PID1: variants seen among roughly 807,000 people sequenced by gnomAD.
The protein encoded by PID1 is phosphotyrosine interaction domain containing 1.
Under a neutral mutation model 19.1 loss-of-function variants are expected in PID1, and 10 were observed. The ratio of observed to expected loss-of-function variants is 0.52; its 90% CI spans 0.32 to 0.89. The LOEUF (loss-of-function observed/expected upper bound fraction) is 0.89, where lower values mean the gene tolerates loss of function less well. PID1 is among the 40% of genes least tolerant of loss of function. The pLI is 0.03. For missense variants in PID1, 248 were observed against 285.3 expected, an observed-to-expected ratio of 0.87 and a Z score of 0.94; for synonymous variants, 130 against 116.0, an observed-to-expected ratio of 1.12 and a Z score of -0.78.
At chr2:229,071,748 C>T (rs1284366092) in intron 2 of PID1, among the ~76,000 whole-genome samples, 2 of 152,162 alleles carry the variant, frequency 1.3e-5, no homozygotes, top group Admixed American at 6.5e-5. Context: ...TAAGCTTCAG[C>T]ATTTCCTAGT....
intron 2 of PID1, among the ~76,000 whole-genome samples, chr2:229,028,327 T>C (rs1016270293): frequency 6.6e-6 from 1 of 152,244 alleles, no homozygotes; most frequent in African/African-American, 2.4e-5. Context: ...TTAATCACTT[T>C]ATGCATCAAA....
chr2:229,203,400 A>G (rs1691540021), intron 1 of PID1, among the ~76,000 whole-genome samples: 1 of 152,100 alleles, frequency 6.6e-6, no homozygotes, highest in Non-Finnish European at 1.5e-5. Context: ...TAAGCGAAAC[A>G]TACAGCAGGT....
intron 1 of PID1, among the ~76,000 whole-genome samples, chr2:229,212,992 A>C (rs1691771090): frequency 6.6e-6 from 1 of 152,128 alleles, no homozygotes; most frequent in African/African-American, 2.4e-5. Flanking sequence ...AACAAAAATT[A>C]ATGATGCTAG....
chr2:229,232,764 A>G (rs1226983), intron 1 of PID1, among the ~76,000 whole-genome samples: 144,591 of 146,078 alleles, frequency 0.99, 71,572 homozygotes, highest in East Asian at 1. Flanking sequence ...ACCAAAAATG[A>G]ATATATATAC....
intron 2 of PID1, among the ~76,000 whole-genome samples, chr2:229,071,024 C>A (rs112837358): frequency 8.0e-4 from 122 of 152,274 alleles, no homozygotes; most frequent in African/African-American, 2.8e-3. Flanking sequence ...TAGATTATAT[C>A]CCATAAAGTA....
At chr2:229,147,754 G>A in intron 2 of PID1, among the ~76,000 whole-genome samples, 1 of 152,042 alleles carries the variant, frequency 6.6e-6, no homozygotes, top group East Asian at 1.9e-4. Context: ...GATCCCCCAG[G>A]AGTTTTTAAA....
chr2:229,050,813 G>A (rs895813124), intron 2 of PID1, among the ~76,000 whole-genome samples: 1 of 149,166 alleles, frequency 6.7e-6, no homozygotes, highest in Non-Finnish European at 1.5e-5. Context: ...TGGCATAAAG[G>A]TCATATGCCA....
At chr2:229,036,886 A>T (rs1185795854) in intron 2 of PID1, among the ~76,000 whole-genome samples, 1 of 152,218 alleles carries the variant, frequency 6.6e-6, no homozygotes, top group Non-Finnish European at 1.5e-5. Flanking sequence ...CTGCTTAGCC[A>T]GGTTAACCTG....
chr2:229,184,943 T>C (rs1476993730), intron 1 of PID1, among the ~76,000 whole-genome samples: 5 of 123,342 alleles, frequency 4.1e-5, no homozygotes, highest in African/African-American at 1.5e-4. Flanking sequence ...CATATATATA[T>C]CCTATATATA....
At position 229,167,781 on chromosome 2, in the gene PID1, G is replaced by A. The variant is rs918090221; in HGVS notation, c.31-11817C>T. The stretch of plus-strand genomic sequence containing the variant: ...ATACAAAATTTAATCATTTGGGGAC[G>A]CTTGAAAATTATACTATTTTGTCAC... On this transcript the variant is annotated intron_variant, in intron 1 of 2. Coordinates refer to ENST00000392055, the MANE Select transcript of PID1 (RefSeq NM_001100818.2). Among the ~76,000 whole-genome samples the A allele has an allele frequency of 2.4e-4, 37 of 152,104 alleles. No individual in the cohort carries two copies. In the East Asian group the frequency reaches 6.8e-3, roughly 28 times the overall value.
chr2:229,227,350 C>T (rs62191694), intron 1 of PID1, among the ~76,000 whole-genome samples: 41,909 of 151,922 alleles, frequency 0.28, 6,567 homozygotes, highest in East Asian at 0.65. Flanking sequence ...TTGAACAGTG[C>T]GGATTATTGA....
chr2:229,225,281 T>C (rs907444004), intron 1 of PID1, among the ~76,000 whole-genome samples: 1 of 152,152 alleles, frequency 6.6e-6, no homozygotes, highest in African/African-American at 2.4e-5. Context: ...TACGGAAGTA[T>C]TTAGCAGCCT....
chr2:229,170,401 C>T (rs1241367146), intron 1 of PID1, among the ~76,000 whole-genome samples: 1 of 152,088 alleles, frequency 6.6e-6, no homozygotes, highest in African/African-American at 2.4e-5. Flanking sequence ...TGCAACATTT[C>T]CCCCCACAAT....
chr2:229,034,719 A>G (rs1693625361), intron 2 of PID1, among the ~76,000 whole-genome samples: 1 of 152,142 alleles, frequency 6.6e-6, no homozygotes, highest in Admixed American at 6.5e-5. Flanking sequence ...AAAAGGGCCA[A>G]GGAAAGTTGT....
intron 1 of PID1, among the ~76,000 whole-genome samples, chr2:229,249,254 T>C (rs947327931): frequency 1.3e-5 from 2 of 152,078 alleles, no homozygotes; most frequent in Non-Finnish European, 2.9e-5. Flanking sequence ...TTCAAAAAAG[T>C]TTAATATAAA....
intron 1 of PID1, among the ~76,000 whole-genome samples, chr2:229,177,073 T>C (rs2106214904): frequency 6.6e-6 from 1 of 152,244 alleles, no homozygotes; most frequent in African/African-American, 2.4e-5. Context: ...GAAGAGAACT[T>C]GTGAAGGGAA....
In PID1 at chr2:229,271,088, C is replaced by CGAT. The variant is rs1371712546; in HGVS notation, c.-48_-46dup. ...GCAGAGGAGACGCTGGCGAGACTGT[C>CGAT]GATCGCGCCGGGGGGCGAGGGGCTG... On this transcript the variant is annotated 5_prime_UTR_variant, in exon 1 of 3. Transcript: ENST00000392055. 2 of 1,536,386 alleles carry CGAT rather than the reference C, an allele frequency of 1.3e-6. No homozygotes were observed.
chr2:229,243,223 TATC>T (rs897097182), intron 1 of PID1, among the ~76,000 whole-genome samples: 4 of 152,084 alleles, frequency 2.6e-5, no homozygotes, highest in Non-Finnish European at 5.9e-5. Context: ...ATTTATTCAC[TATC>T]ATGAGAACAG....
chr2:229,048,336 C>A (rs151069066), intron 2 of PID1, among the ~76,000 whole-genome samples: 2 of 152,130 alleles, frequency 1.3e-5, no homozygotes, highest in African/African-American at 2.4e-5. Flanking sequence ...GCACTGCAGC[C>A]CTCACTCCCT....
Sources: gnomAD v4.1 joint callset for allele counts (sites outside exome capture counted in the v4.1 genomes callset) on GRCh38, gnomAD v4.1.1 for gene constraint, MANE v1.5 for transcripts, NCBI Gene and HGNC (gene_info 2026-07-23, HGNC 2026-07-21) for gene names.